MSH4: variants seen among roughly 807,000 people sequenced by gnomAD.
MSH4 encodes the protein mutS protein homolog 4.
A neutral mutation model predicts 113.7 loss-of-function variants in MSH4; 106 were observed. The ratio of observed to expected loss-of-function variants is 0.93; its 90% CI spans 0.80 to 1.10. The LOEUF (loss-of-function observed/expected upper bound fraction) is 1.10. Ranked by LOEUF, MSH4 falls within the 50% of genes least tolerant of loss-of-function variation. The pLI is 0.00. For missense variants in MSH4, 1,061 were observed against 1,093.7 expected, an observed-to-expected ratio of 0.97 and a Z score of 0.42; for synonymous variants, 368 against 380.2, an observed-to-expected ratio of 0.97 and a Z score of 0.37.
chr1:75,848,198 G>T lies in MSH4; in HGVS notation c.1163-11G>T. On this transcript the variant is annotated splice_polypyrimidine_tract_variant and intron_variant, in intron 7 of 19. Coordinates refer to ENST00000263187, the MANE Select transcript of MSH4 (RefSeq NM_002440.4). Reference sequence around the variant, plus strand: ...AAAGTTTAAATACTCACATTTGTTTGTTTGTTTCAGTTATATCAAGATTTC... The same window carrying T: ...AAAGTTTAAATACTCACATTTGTTTTTTTGTTTCAGTTATATCAAGATTTC... 6.3e-7 allele frequency: 1 copy of T among 1,578,036 alleles called. No homozygotes were observed. Among genetic ancestry groups the T allele is most frequent in the Non-Finnish European group, 8.7e-7 (1 of 1,153,492 alleles).
intron 19 of MSH4, among the ~76,000 whole-genome samples, chr1:75,904,767 C>T (rs1008590210): frequency 6.6e-6 from 1 of 152,024 alleles, no homozygotes; most frequent in Non-Finnish European, 1.5e-5. Context: ...TTACTTCAAT[C>T]TCATTATTCA....
chr1:75,912,670 A>AT (rs1384395888), intron 19 of MSH4, 26 bp from the exon 20 acceptor site: 1 of 1,242,762 alleles, frequency 8.0e-7, no homozygotes, highest in African/African-American at 2.1e-5. Flanking sequence ...GTATATATAT[A>AT]TATATTTTTT....
At chr1:75,815,842 T>C (rs1557493541) in intron 5 of MSH4, among the ~76,000 whole-genome samples, 1 of 152,018 alleles carries the variant, frequency 6.6e-6, no homozygotes, top group Non-Finnish European at 1.5e-5. Context: ...ACCCCATCTC[T>C]ACCAAAAATA....
intron 7 of MSH4, among the ~76,000 whole-genome samples, chr1:75,822,872 A>G (rs1214107734): frequency 3.3e-5 from 5 of 150,906 alleles, no homozygotes; most frequent in African/African-American, 9.8e-5. Context: ...CTTTTTCTCC[A>G]TGGTAATCCT....
chr1:75,799,017 G>A lies in MSH4; in HGVS notation c.244+1788G>A, dbSNP rs115703030. On this transcript the variant is annotated intron_variant, in intron 1 of 19. Coordinates refer to ENST00000263187, the MANE Select transcript of MSH4 (RefSeq NM_002440.4). ...CTAGAAGGATAGCCAAAGCAATTGGGATCGGTTTCTAATCTTTACAGATTT... is the reference window on the plus strand; with the variant it reads ...CTAGAAGGATAGCCAAAGCAATTGGAATCGGTTTCTAATCTTTACAGATTT... 2.6e-3 allele frequency among the ~76,000 whole-genome samples: 401 copies of A among 152,280 alleles called. 4 individuals are homozygous for A. Among genetic ancestry groups the A allele is most frequent in the African/African-American group, 9.1e-3 (377 of 41,558 alleles).
chr1:75,878,938 A>T lies in MSH4; in HGVS notation c.1541-54A>T. 4.0e-6 allele frequency: 6 copies of T among 1,490,522 alleles called. No homozygotes were observed. The East Asian group carries it at 1.1e-4, about 28-fold the overall frequency. 92.3% of individuals were successfully genotyped at this position (1,490,522 alleles called of 1,614,324 possible). A position where few individuals can be genotyped will look rare whatever the true frequency, so the allele number is the denominator to read the frequency against. On this transcript the variant is annotated intron_variant, in intron 11 of 19. Coordinates refer to ENST00000263187, the MANE Select transcript of MSH4 (RefSeq NM_002440.4). The stretch of plus-strand genomic sequence containing the variant: ...TCTTTAAAACAGAGTGATTTTTCTC[A>T]TTAAAATTTATTCATTTTGTTTTGT...
At chr1:75,859,111 C>G (rs1354275593) in intron 8 of MSH4, among the ~76,000 whole-genome samples, 1 of 152,080 alleles carries the variant, frequency 6.6e-6, no homozygotes, top group Non-Finnish European at 1.5e-5. Flanking sequence ...ATGGTGATAT[C>G]CACTTTATCA....
At chr1:75,906,841 C>CT (rs35554554) in intron 19 of MSH4, among the ~76,000 whole-genome samples, 31 of 121,620 alleles carry the variant, frequency 2.5e-4, no homozygotes, top group African/African-American at 3.6e-4. Context: ...TTTTTTTTTT[C>CT]TTTTTTTTTT....
In MSH4 at chr1:75,812,609, G is replaced by T. The variant is rs541079046; in HGVS notation, c.699+1802G>T. Among the ~76,000 whole-genome samples, 9 of 152,226 alleles carry T rather than the reference G, an allele frequency of 5.9e-5. No individual in the cohort carries two copies. In the South Asian group the frequency reaches 8.3e-4, roughly 14 times the overall value. ...CTCGGGAAGCTGAGGCAGGAGAATC[G>T]CTTGAACCTGGGAGGCAGAGGTTGC... On this transcript the variant is annotated intron_variant, in intron 4 of 19. Coordinates refer to ENST00000263187, the MANE Select transcript of MSH4 (RefSeq NM_002440.4).
chr1:75,912,660 G>GTA lies in MSH4; in HGVS notation c.2620-22_2620-21dup, dbSNP rs201104118. On this transcript the variant is annotated intron_variant, in intron 19 of 19. Coordinates refer to ENST00000263187, the MANE Select transcript of MSH4 (RefSeq NM_002440.4). Reference sequence around the variant, plus strand: ...TTTAAATAAAAATTATGGTATTTGTGTATATATATATATATTTTTTTTTTT... The same window carrying GTA: ...TTTAAATAAAAATTATGGTATTTGTGTATATATATATATATATTTTTTTTTTT... 1.8e-4 allele frequency: 193 copies of GTA among 1,082,224 alleles called. 1 individual carries two copies. Among genetic ancestry groups the GTA allele is most frequent in the African/African-American group, 1.7e-3 (85 of 49,428 alleles). The allele number at this position is 1,082,224 out of a possible 1,614,324, so 67.0% of individuals were successfully genotyped here.
chr1:75,859,610 A>C (rs983161225), intron 8 of MSH4, among the ~76,000 whole-genome samples: 2 of 152,176 alleles, frequency 1.3e-5, no homozygotes, highest in African/African-American at 4.8e-5. Context: ...AATTTATTGC[A>C]CTGTGGTCTG....
At chr1:75,885,461 GTA>G (rs59870811) in intron 15 of MSH4, among the ~76,000 whole-genome samples, 49,993 of 115,300 alleles carry the variant, frequency 0.43, 11,636 homozygotes, top group African/African-American at 0.56. Context: ...ATATATATAT[GTA>G]TATATACACA....
intron 7 of MSH4, among the ~76,000 whole-genome samples, chr1:75,826,051 C>T (rs1192338002): frequency 6.6e-6 from 1 of 152,210 alleles, no homozygotes; most frequent in Non-Finnish European, 1.5e-5. Flanking sequence ...ACCAGCTCCT[C>T]CTTGTACCTC....
At chr1:75,829,167 C>G (rs1400043930) in intron 7 of MSH4, among the ~76,000 whole-genome samples, 1 of 152,196 alleles carries the variant, frequency 6.6e-6, no homozygotes, top group African/African-American at 2.4e-5. Context: ...GGTCCCACGT[C>G]CATGGAGCCT....
intron 19 of MSH4, among the ~76,000 whole-genome samples, chr1:75,910,196 T>C (rs1361664263): frequency 2.0e-5 from 3 of 152,144 alleles, no homozygotes; most frequent in Admixed American, 6.5e-5. Flanking sequence ...CTGAGTCTTA[T>C]TGTCATCACT....
rs1474245797 is a variant in MSH4 at position 75,803,756 on chromosome 1, T to C, written c.270T>C (p.Ala90=). 2.5e-6 allele frequency: 4 copies of C among 1,587,592 alleles called. No individual in the cohort carries two copies. Among genetic ancestry groups the C allele is most frequent in the Non-Finnish European group, 3.4e-6 (4 of 1,171,602 alleles). ...AQGSYFGNKR[A]YAENTVASNF... is the part of the protein sequence containing the mutation. ...GTTCATACTTTGGAAACAAAAGAGC[T>C]TATGCAGAAAACACAGTTGCATCAA... The change falls in exon 2 of 20, where the codon GCT becomes GCC. Residue 90 remains alanine, a synonymous_variant. Coordinates refer to ENST00000263187, the MANE Select transcript of MSH4 (RefSeq NM_002440.4).
At chr1:75,828,725 T>C (rs1196910459) in intron 7 of MSH4, among the ~76,000 whole-genome samples, 1 of 152,108 alleles carries the variant, frequency 6.6e-6, no homozygotes, top group African/African-American at 2.4e-5. Context: ...AGTGCTGGAT[T>C]CAATCAAAGC....
intron 15 of MSH4, among the ~76,000 whole-genome samples, chr1:75,885,051 G>GTATATATATATATATATATATATA (rs1217705221): frequency 6.2e-5 from 7 of 113,302 alleles, no homozygotes; most frequent in African/African-American, 2.5e-4. Flanking sequence ...GTGTGTGTGT[G>GTATATATATATATATATATATATA]TGTGTGTGTA....
intron 9 of MSH4, among the ~76,000 whole-genome samples, chr1:75,875,222 G>A (rs116739859): frequency 7.7e-4 from 117 of 152,218 alleles, no homozygotes; most frequent in African/African-American, 2.6e-3. Context: ...CAATAATGAG[G>A]CCCCAGCTGT....
Sources: allele counts gnomAD v4.1 joint callset (sites outside exome capture counted in the v4.1 genomes callset), GRCh38; gene constraint gnomAD v4.1.1; transcripts MANE v1.5; gene names NCBI Gene and HGNC (gene_info 2026-07-23, HGNC 2026-07-21).